PCDH15: variants seen among roughly 807,000 people sequenced by gnomAD.
PCDH15 encodes protocadherin related 15, also known as protocadherin-15.
A neutral mutation model predicts 178.5 loss-of-function variants in PCDH15; 129 were observed. The observed-to-expected ratio is 0.72, with a 90% CI of 0.63 to 0.84. The LOEUF is 0.84. PCDH15 is among the 40% of genes least tolerant of loss of function. PCDH15 has a pLI of 0.00. For missense variants in PCDH15, 2,230 were observed against 2,099.9 expected (o/e 1.06, Z -1.21); for synonymous variants, 800 against 732.0 (o/e 1.09, Z -1.50).
chr10:54,863,641 C>T (rs1953886789), intron 3 of PCDH15, among the ~76,000 whole-genome samples: 1 of 152,090 alleles, frequency 6.6e-6, no homozygotes, highest in Non-Finnish European at 1.5e-5. Flanking sequence ...GAGATAATAG[C>T]TGCTGTTTAT....
chr10:55,552,830 C>T lies in PCDH15; in HGVS notation c.-156+74795G>A, dbSNP rs185603968. Among the ~76,000 whole-genome samples, 152 of 151,122 alleles carry T rather than the reference C, an allele frequency of 1.0e-3. 1 individual carries two copies. The highest frequency in any genetic ancestry group is 1.7e-3 in the Non-Finnish European group (112 of 67,480). On this transcript the variant is annotated intron_variant, in intron 2 of 5. Transcript: ENST00000613346. The stretch of plus-strand genomic sequence containing the variant: ...AAAAAGTAAGCAAATCATTTTTTGC[C>T]CCATAAATGTGATTTTGTTTTCTTA...
At chr10:55,483,239 G>T (rs1481425819) in intron 2 of PCDH15, among the ~76,000 whole-genome samples, 1 of 151,230 alleles carries the variant, frequency 6.6e-6, no homozygotes, top group East Asian at 2.0e-4. Context: ...TGCATCAAAG[G>T]TCTAATGTCC....
At chr10:55,419,822 A>G (rs926772060) in intron 2 of PCDH15, among the ~76,000 whole-genome samples, 1 of 151,678 alleles carries the variant, frequency 6.6e-6, no homozygotes, top group African/African-American at 2.4e-5. Flanking sequence ...ATTAAAATGT[A>G]TACTATAGTG....
intron 33 of PCDH15, 68 bp from the exon 34 acceptor site, chr10:53,818,081 A>G: frequency 2.5e-6 from 1 of 397,456 alleles, no homozygotes; most frequent in Non-Finnish European, 4.4e-6. Flanking sequence ...AAAATGACTG[A>G]CAGATAAGGG....
At chr10:55,385,505 T>C (rs563351133) in intron 2 of PCDH15, among the ~76,000 whole-genome samples, 14 of 151,900 alleles carry the variant, frequency 9.2e-5, no homozygotes, top group Admixed American at 2.6e-4. Context: ...GAGATAATAA[T>C]ATATTATTTT....
intron 25 of PCDH15, among the ~76,000 whole-genome samples, chr10:53,934,052 CAT>C (rs1294926527): frequency 6.6e-6 from 1 of 152,058 alleles, no homozygotes; most frequent in African/African-American, 2.4e-5. Flanking sequence ...TGTTTGAGTT[CAT>C]TGTAGATTCT....
intron 1 of PCDH15, among the ~76,000 whole-genome samples, chr10:54,730,920 T>C (rs916606390): frequency 3.3e-5 from 5 of 151,310 alleles, no homozygotes; most frequent in Admixed American, 2.0e-4. Flanking sequence ...TGAAATTACA[T>C]TAGGCTAAAA....
intron 1 of PCDH15, among the ~76,000 whole-genome samples, chr10:54,752,532 A>C (rs1946481698): frequency 6.7e-6 from 1 of 148,428 alleles, no homozygotes; most frequent in African/African-American, 2.5e-5. Context: ...AAACAAACAA[A>C]AAAAAACAAT....
chr10:54,828,945 A>T (rs1489238610), intron 3 of PCDH15, among the ~76,000 whole-genome samples: 1 of 151,992 alleles, frequency 6.6e-6, no homozygotes, highest in Admixed American at 6.6e-5. Flanking sequence ...TGATGAAGAA[A>T]GTCCCTGTTT....
At chr10:55,464,544 C>G (rs1014100081) in intron 2 of PCDH15, among the ~76,000 whole-genome samples, 1 of 151,372 alleles carries the variant, frequency 6.6e-6, no homozygotes, top group Non-Finnish European at 1.5e-5. Flanking sequence ...AAATCACCAC[C>G]TCTATTCCAG....
intron 1 of PCDH15, among the ~76,000 whole-genome samples, chr10:55,242,112 G>A (rs1159890612): frequency 1.3e-5 from 2 of 152,260 alleles, no homozygotes; most frequent in East Asian, 1.9e-4. Flanking sequence ...TAGTGAGGAG[G>A]CAGAGTGATT....
chr10:55,273,532 G>C lies in PCDH15; in HGVS notation c.-156+46067C>G, dbSNP rs113536336. On this transcript the variant is annotated intron_variant, in intron 1 of 5. Transcript: ENST00000458638. ...ACTAGAAGGGTGTATGTGGTGGGTG[G>C]GTTGGTGGGCAAGGGGGTGTGTGTG... Among the ~76,000 whole-genome samples the C allele has an allele frequency of 3.8e-3, 578 of 152,118 alleles. 9 individuals are homozygous for C. The highest frequency in any genetic ancestry group is 0.013 in the African/African-American group (537 of 41,448).
At chr10:54,433,577 G>A (rs1274029851) in intron 3 of PCDH15, among the ~76,000 whole-genome samples, 8 of 151,904 alleles carry the variant, frequency 5.3e-5, no homozygotes. Context: ...GGAGGGAGGT[G>A]GTTAATGGAT....
intron 20 of PCDH15, among the ~76,000 whole-genome samples, chr10:53,999,209 CT>C (rs1385176195): frequency 6.6e-6 from 1 of 152,076 alleles, no homozygotes; most frequent in African/African-American, 2.4e-5. Context: ...TAGCATTATC[CT>C]TGTTGAGCTA....
chr10:55,127,125 G>A (rs1338328223), intron 2 of PCDH15, among the ~76,000 whole-genome samples: 1 of 151,894 alleles, frequency 6.6e-6, no homozygotes, highest in Non-Finnish European at 1.5e-5. Flanking sequence ...GTGCTTTTCT[G>A]CTCGATTATC....
chr10:54,797,959 T>G (rs1328077382), intron 1 of PCDH15, among the ~76,000 whole-genome samples: 3 of 152,006 alleles, frequency 2.0e-5, no homozygotes, highest in African/African-American at 7.2e-5. Flanking sequence ...CGCTCTCACA[T>G]TCAAAACTAC....
At chr10:55,569,469 A>G (rs1194238215) in intron 2 of PCDH15, among the ~76,000 whole-genome samples, 1 of 151,992 alleles carries the variant, frequency 6.6e-6, no homozygotes. Context: ...AGGTGTGGAA[A>G]GGTTAATTAC....
chr10:54,017,807 G>C (rs1183624141), intron 20 of PCDH15, among the ~76,000 whole-genome samples: 1 of 151,988 alleles, frequency 6.6e-6, no homozygotes, highest in Non-Finnish European at 1.5e-5. Context: ...ATATGAAAAT[G>C]TAAAATAAGA....
At chr10:55,343,018 T>G (rs564924573) in intron 2 of PCDH15, among the ~76,000 whole-genome samples, 3 of 152,116 alleles carry the variant, frequency 2.0e-5, no homozygotes, top group Admixed American at 6.6e-5. Flanking sequence ...TAAGGGACCA[T>G]GCAGGACACA....
Sources: allele counts gnomAD v4.1 joint callset (sites outside exome capture counted in the v4.1 genomes callset), GRCh38; gene constraint gnomAD v4.1.1; transcripts MANE v1.5; gene names NCBI Gene and HGNC (gene_info 2026-07-23, HGNC 2026-07-21).